The following CDC37 variants were observed in gnomAD, a reference collection of about 807,000 sequenced individuals.
CDC37 encodes cell division cycle 37, HSP90 cochaperone, also known as hsp90 co-chaperone Cdc37.
Under a neutral mutation model 46.9 loss-of-function variants are expected in CDC37, and 9 were observed. The observed-to-expected ratio is 0.19, with a 90% CI of 0.12 to 0.33. The LOEUF is 0.33. Ranked by LOEUF, CDC37 falls within the 10% of genes least tolerant of loss-of-function variation. The probability of loss-of-function intolerance (pLI) is 1.00; values close to 1 mark genes in which losing one functional copy is unlikely to be tolerated. For missense variants in CDC37, 388 were observed against 514.6 expected (o/e 0.75, Z 2.38); for synonymous variants, 193 against 191.0 (o/e 1.01, Z -0.09).
chr19:10,395,319 C>T lies in CDC37; in HGVS notation c.512G>A (p.Ser171Asn). The T allele has an allele frequency of 1.9e-6, 3 of 1,614,172 alleles. No homozygotes were observed. The highest frequency in any genetic ancestry group is 1.7e-6 in the Non-Finnish European group (2 of 1,180,000). ...GACGTTGTCTGACAGGTACTTTTGG[C>T]TGTCATCCCAGCGGCGAAGCATGCC... ...HFGMLRRWDDSQKYLSDNVHL... is the reference protein window; with the variant it reads ...HFGMLRRWDDNQKYLSDNVHL... The change falls in exon 4 of 8, where the codon AGC (serine) becomes AAC (asparagine). Residue 171 changes from serine to asparagine, a missense_variant. Ser to Asn is a conservative substitution (Grantham distance 46). This residue lies in a region of CDC37 where 374 missense variants were observed against 467.4 expected (regional missense o/e 0.80). Transcript: ENST00000222005.
chr19:10,392,092 G>A (rs1381962288), intron 7 of CDC37, among the ~76,000 whole-genome samples: 2 of 152,128 alleles, frequency 1.3e-5, no homozygotes, highest in African/African-American at 2.4e-5. Flanking sequence ...GTGAGCCACC[G>A]TACCCAGCTG....
intron 2 of CDC37, 25 bp downstream of exon 2, chr19:10,395,903 T>TTGGG: frequency 1.3e-6 from 2 of 1,573,926 alleles, no homozygotes; most frequent in Non-Finnish European, 1.7e-6. Context: ...GCATGCGCAC[T>TTGGG]GCCCGCCCCG....
In CDC37 at chr19:10,403,509, T is replaced by C. The variant is rs1474169355; in HGVS notation, c.-30A>G. The C allele has an allele frequency of 6.4e-7, 1 of 1,560,510 alleles. No individual in the cohort carries two copies. The highest frequency in any genetic ancestry group is 2.2e-5 in the East Asian group (1 of 44,578). ...CCTTGGCGGCCCAGCCCGCTCCGGC[T>C]CGGGTGGCGGCGACGGCGGCAGCAG... On this transcript the variant is annotated 5_prime_UTR_variant, in exon 1 of 8. Transcript: ENST00000222005.
At position 10,393,259 on chromosome 19, in the gene CDC37, C is replaced by G; in HGVS notation, c.909G>C (p.Glu303Asp). 1 of 1,612,856 alleles carries G rather than the reference C, an allele frequency of 6.2e-7. No individual in the cohort carries two copies. Among genetic ancestry groups the G allele is most frequent in the South Asian group, 1.1e-5 (1 of 91,002 alleles). The stretch of plus-strand genomic sequence containing the variant: ...GCCCGCCTGGGCCGGGGAGCCCCAC[C>G]TCAGGGAGGGACTCGTAGACCTCGA... ...DPVEVYESLP[E>D]ELQKCFDVKD... Residue 303 changes from glutamate (E) to aspartate (D), a missense_variant and splice_region_variant, in exon 6 of 8, where the codon GAG becomes GAC. Physicochemically the swap from Glu to Asp is conservative, Grantham distance 45. Around this residue, in one of 2 missense-constraint regions of CDC37, gnomAD observed 374 missense variants for 467.4 expected, o/e 0.80. Coordinates refer to ENST00000222005, the MANE Select transcript of CDC37 (RefSeq NM_007065.4). This position sits in a 1 kb window ranked among gnomAD's most constrained non-coding sequence, Gnocchi z 4.9.
chr19:10,391,691 T>G lies in CDC37; in HGVS notation c.997A>C (p.Met333Leu). 1 of 1,613,382 alleles carries G rather than the reference T, an allele frequency of 6.2e-7. No homozygotes were observed. Among genetic ancestry groups the G allele is most frequent in the South Asian group, 1.1e-5 (1 of 91,062 alleles). ...AGGCCAGAGTCAATGCAGCGCTGCA[T>G]GTGGTACTTTGCGTCCTGTGAGGAG... ...KMDPTDAKYH[M>L]QRCIDSGLWV... is the part of the protein sequence containing the mutation. The change falls in exon 8 of 8, where the codon ATG becomes CTG. Residue 333 changes from methionine to leucine, a missense_variant. By Grantham distance (15) the Met-to-Leu change is conservative. This residue lies in a region of CDC37 where 374 missense variants were observed against 467.4 expected (regional missense o/e 0.80). Transcript: ENST00000222005.
rs539102938 is a variant in CDC37 at position 10,400,980 on chromosome 19, G to A, written c.102+2398C>T. 8.2e-4 allele frequency among the ~76,000 whole-genome samples: 125 copies of A among 152,340 alleles called. 1 individual carries two copies. The highest frequency in any genetic ancestry group is 1.4e-3 in the Non-Finnish European group (98 of 68,032). On this transcript the variant is annotated intron_variant, in intron 1 of 7. Coordinates refer to ENST00000222005, the MANE Select transcript of CDC37 (RefSeq NM_007065.4). ...GACATCATTCAGATTCTCAGGTAGG[G>A]AAACTGAGGCACAGAGCGATCAAAC...
In CDC37 at chr19:10,398,695, C is replaced by A. The variant is rs1419832838; in HGVS notation, c.103-2492G>T. Among the ~76,000 whole-genome samples the A allele has an allele frequency of 6.6e-6, 1 of 151,698 alleles. No homozygotes were observed. Among genetic ancestry groups the A allele is most frequent in the Non-Finnish European group, 1.5e-5 (1 of 67,836 alleles). On this transcript the variant is annotated intron_variant, in intron 1 of 7. Transcript: ENST00000222005. This position sits in a 1 kb window ranked among gnomAD's most constrained non-coding sequence, Gnocchi z 4.2. ...ATTACCATCTGTGCAAGAGAACAATCTCTCTCTCTCTCTGGGGACCACTCT... is the reference window on the plus strand; with the variant it reads ...ATTACCATCTGTGCAAGAGAACAATATCTCTCTCTCTCTGGGGACCACTCT...
Position 10,395,083 on chromosome 19 carries a change from G to A in CDC37, c.664C>T (p.Leu222=). 2 of 1,564,142 alleles carry A rather than the reference G, an allele frequency of 1.3e-6. No individual in the cohort carries two copies. The highest frequency in any genetic ancestry group is 1.7e-6 in the Non-Finnish European group (2 of 1,152,108). Residue 222 remains leucine, a synonymous_variant, in exon 5 of 8, where the codon CTG becomes TTG. Coordinates refer to ENST00000222005, the MANE Select transcript of CDC37 (RefSeq NM_007065.4). ...GGGTCCACCTTTAGGCTCTTGGCCA[G>A]CTCCAGGATAAATTGCATGACGATT... ...QTIVMQFILE[L]AKSLKVDPRA...
At position 10,395,210 on chromosome 19, in the gene CDC37, G is replaced by T; in HGVS notation, c.603+18C>A. On this transcript the variant is annotated intron_variant, in intron 4 of 7. Transcript: ENST00000222005. ...CATGGCAGCGCCTTTTCACAGTCCCGGGGAAAGCTCCACTCACCTCCTCCA... is the reference window on the plus strand; with the variant it reads ...CATGGCAGCGCCTTTTCACAGTCCCTGGGAAAGCTCCACTCACCTCCTCCA... 2 of 1,613,830 alleles carry T rather than the reference G, an allele frequency of 1.2e-6. No homozygotes were observed. Among genetic ancestry groups the T allele is most frequent in the South Asian group, 1.1e-5 (1 of 91,064 alleles).
rs1450372022 is a variant in CDC37, at chr19:10,396,012, C to G, written c.294G>C (p.Trp98Cys). Residue 98 changes from tryptophan to cysteine, a missense_variant, in exon 2 of 8, where the codon TGG becomes TGC. Physicochemically the swap from Trp to Cys is radical, Grantham distance 215. Coordinates refer to ENST00000222005, the MANE Select transcript of CDC37 (RefSeq NM_007065.4). This position sits in a 1 kb window ranked among gnomAD's most constrained non-coding sequence, Gnocchi z 5.9. ...AQQLRKEERS[W>C]EQKLEEMRKK... ...TGCGCATCTCCTCCAGCTTCTGCTC[C>G]CAGCTCCGCTCCTCCTTGCGCAGCT... 6.2e-7 allele frequency: 1 copy of G among 1,613,810 alleles called. No individual in the cohort carries two copies. Among genetic ancestry groups the G allele is most frequent in the Non-Finnish European group, 8.5e-7 (1 of 1,179,928 alleles).
intron 7 of CDC37, 44 bp from the exon 8 acceptor site, chr19:10,391,750 T>C (rs1384297475): frequency 6.3e-7 from 1 of 1,598,164 alleles, no homozygotes; most frequent in East Asian, 2.2e-5. Context: ...CGCCAGCCGG[T>C]GGTCCCCGTT....
At chr19:10,397,415 CT>C (rs933052804) in intron 1 of CDC37, among the ~76,000 whole-genome samples, 10,065 of 86,836 alleles carry the variant, frequency 0.12, 277 homozygotes, top group African/African-American at 0.25. Flanking sequence ...CCAAGCCTGG[CT>C]TTTTTTTTTT....
At chr19:10,402,111 T>A (rs1300899152) in intron 1 of CDC37, among the ~76,000 whole-genome samples, 1 of 139,900 alleles carries the variant, frequency 7.1e-6, no homozygotes, top group Non-Finnish European at 1.5e-5. Flanking sequence ...GAGCCAAGAT[T>A]GTGCCACTGC....
At chr19:10,395,409 C>G in intron 3 of CDC37, 26 bp downstream of exon 3, 1 of 1,607,164 alleles carries the variant, frequency 6.2e-7, no homozygotes, top group Non-Finnish European at 8.5e-7. Flanking sequence ...CGACCTTGCC[C>G]CCCATAACCC....
chr19:10,402,118 CT>C (rs1247586367), intron 1 of CDC37, among the ~76,000 whole-genome samples: 22 of 141,838 alleles, frequency 1.6e-4, no homozygotes, highest in African/African-American at 5.8e-4. Context: ...GATTGTGCCA[CT>C]GCACTCCAGC....
rs145251489 is a variant in CDC37, at chr19:10,396,028, T to C, written c.278A>G (p.Lys93Arg). The change falls in exon 2 of 8, where the codon AAG becomes AGG. Residue 93 changes from lysine (K) to arginine (R), a missense_variant. By Grantham distance (26) the Lys-to-Arg change is conservative. Transcript: ENST00000222005. This position sits in a 1 kb window ranked among gnomAD's most constrained non-coding sequence, Gnocchi z 5.9. The stretch of plus-strand genomic sequence containing the variant: ...CTTCTGCTCCCAGCTCCGCTCCTCC[T>C]TGCGCAGCTGCTGTGCCTCGGCCTG... ...RLQAEAQQLR[K>R]EERSWEQKLE... The C allele has an allele frequency of 3.8e-5, 62 of 1,613,836 alleles. No individual in the cohort carries two copies. The African/African-American group carries it at 7.6e-4, about 20-fold the overall frequency.
chr19:10,399,929 C>CT (rs2042509846), intron 1 of CDC37, among the ~76,000 whole-genome samples: 1 of 51,670 alleles, frequency 1.9e-5, no homozygotes, highest in South Asian at 7.1e-4. Context: ...GAGACTCCGT[C>CT]TTAAAAAAAA....
Position 10,395,560 on chromosome 19 carries a change from G to A in CDC37, c.379-17C>T, listed in dbSNP as rs201068763. 6.3e-6 allele frequency: 10 copies of A among 1,587,772 alleles called. No individual in the cohort carries two copies. The highest frequency in any genetic ancestry group is 2.2e-5 in the East Asian group (1 of 44,762). On this transcript the variant is annotated splice_polypyrimidine_tract_variant and intron_variant, in intron 2 of 7. Transcript: ENST00000222005. ...TACCATGCTCTGTGGTAGGGTGAGA[G>A]GGGGAGTGGGCTGGGGCAAGGCTGC... is the stretch of plus-strand genomic sequence containing the variant.
Position 10,398,845 on chromosome 19 carries a change from A to G in CDC37, c.103-2642T>C, listed in dbSNP as rs1384944114. 6.6e-6 allele frequency among the ~76,000 whole-genome samples: 1 copy of G among 152,146 alleles called. No individual in the cohort carries two copies. Among genetic ancestry groups the G allele is most frequent in the African/African-American group, 2.4e-5 (1 of 41,428 alleles). On this transcript the variant is annotated intron_variant, in intron 1 of 7. Transcript: ENST00000222005. The surrounding 1 kb of genome is among the most constrained non-coding windows in gnomAD (Gnocchi z 4.2). ...CACCCGGCTGTGCCACTGACGGGAGATGGAACTTTGGCCATGTCACTGAAA... is the reference window on the plus strand; with the variant it reads ...CACCCGGCTGTGCCACTGACGGGAGGTGGAACTTTGGCCATGTCACTGAAA...
Sources: allele counts gnomAD v4.1 joint callset (sites outside exome capture counted in the v4.1 genomes callset), GRCh38; gene constraint gnomAD v4.1.1; regional missense constraint gnomAD v4.1.1; non-coding constraint Gnocchi (gnomAD v3.1); transcripts MANE v1.5; gene names NCBI Gene and HGNC (gene_info 2026-07-23, HGNC 2026-07-21).